Variants in ATRNL1 observed in about 807,000 individuals in gnomAD.
ATRNL1 encodes attractin-like protein 1.
ATRNL1 carries 95 observed loss-of-function variants against 182.7 expected under a neutral mutation model. That is an observed-to-expected ratio of 0.52 (90% CI 0.44 to 0.62). The LOEUF (loss-of-function observed/expected upper bound fraction) is 0.62. ATRNL1 is among the 20% of genes least tolerant of loss of function. The pLI is 0.00. For synonymous variants in ATRNL1, 576 were observed against 568.3 expected (o/e 1.01, Z -0.19); for missense variants, 1,471 against 1,679.5 (o/e 0.88, Z 2.17).
chr10:115,311,737 A>G (rs545709657), intron 17 of ATRNL1, among the ~76,000 whole-genome samples: 33 of 152,094 alleles, frequency 2.2e-4, no homozygotes, highest in Non-Finnish European at 2.9e-4. Flanking sequence ...GCTGCTGTCT[A>G]TCTCTTTCTT....
intron 27 of ATRNL1, among the ~76,000 whole-genome samples, chr10:115,733,003 A>G (rs1294030078): frequency 6.6e-6 from 1 of 152,208 alleles, no homozygotes; most frequent in Non-Finnish European, 1.5e-5. Flanking sequence ...GTGACTTACT[A>G]AACTGCAATA....
chr10:115,468,149 A>G (rs568248759), intron 23 of ATRNL1, among the ~76,000 whole-genome samples: 1 of 150,908 alleles, frequency 6.6e-6, no homozygotes, highest in African/African-American at 2.4e-5. Flanking sequence ...AGTGCCAAAC[A>G]TACAGTAAAA....
At chr10:115,165,683 T>C (rs1467148398) in intron 7 of ATRNL1, 38 bp downstream of exon 7, 1 of 1,231,350 alleles carries the variant, frequency 8.1e-7, no homozygotes, top group South Asian at 1.7e-5. Flanking sequence ...TCAGATTTTG[T>C]TTTTGATAGT....
intron 5 of ATRNL1, among the ~76,000 whole-genome samples, chr10:115,154,836 C>T (rs547912838): frequency 6.6e-6 from 1 of 152,240 alleles, no homozygotes; most frequent in East Asian, 1.9e-4. Context: ...TGCCAAGAAA[C>T]GGTGCCAGGG....
At chr10:115,905,848 A>G (rs1161375058) in intron 28 of ATRNL1, among the ~76,000 whole-genome samples, 3 of 152,188 alleles carry the variant, frequency 2.0e-5, no homozygotes, top group African/African-American at 7.2e-5. Flanking sequence ...GAGGGACTTG[A>G]TAAATAATTG....
intron 18 of ATRNL1, among the ~76,000 whole-genome samples, chr10:115,333,077 A>G (rs1224069258): frequency 6.6e-6 from 1 of 152,236 alleles, no homozygotes; most frequent in Non-Finnish European, 1.5e-5. Context: ...ATCAGAACAG[A>G]TACCAACTAC....
chr10:115,623,257 G>T (rs1857890378), intron 26 of ATRNL1, among the ~76,000 whole-genome samples: 1 of 152,104 alleles, frequency 6.6e-6, no homozygotes, highest in Non-Finnish European at 1.5e-5. Context: ...GCAAGTTTCT[G>T]AATGTTTTAA....
chr10:115,858,952 G>T (rs1951248746), intron 28 of ATRNL1, among the ~76,000 whole-genome samples: 1 of 151,980 alleles, frequency 6.6e-6, no homozygotes, highest in South Asian at 2.1e-4. Context: ...AGTTCTGGAG[G>T]CTGGGAAGTC....
At chr10:115,499,270 G>T (rs969811361) in intron 24 of ATRNL1, among the ~76,000 whole-genome samples, 1 of 152,076 alleles carries the variant, frequency 6.6e-6, no homozygotes, top group Non-Finnish European at 1.5e-5. Flanking sequence ...TGAAGAGATT[G>T]GGCTCAATTT....
chr10:115,750,759 A>G (rs1289425675), intron 27 of ATRNL1, among the ~76,000 whole-genome samples: 1 of 152,090 alleles, frequency 6.6e-6, no homozygotes, highest in Non-Finnish European at 1.5e-5. Context: ...AAGCACTTTT[A>G]AAATTAAAAG....
chr10:115,913,745 G>A (rs1404211941), intron 28 of ATRNL1, among the ~76,000 whole-genome samples: 3 of 152,176 alleles, frequency 2.0e-5, no homozygotes, highest in Non-Finnish European at 4.4e-5. Flanking sequence ...TGTGCAGAAA[G>A]CATAGATGGA....
chr10:115,323,733 C>T (rs538340791), intron 18 of ATRNL1, among the ~76,000 whole-genome samples: 6 of 151,600 alleles, frequency 4.0e-5, no homozygotes, highest in South Asian at 4.2e-4. Context: ...CATGAGCCAC[C>T]GTGCCTGGCC....
intron 26 of ATRNL1, among the ~76,000 whole-genome samples, chr10:115,683,885 G>T (rs1946133920): frequency 6.6e-6 from 1 of 151,662 alleles, no homozygotes; most frequent in Non-Finnish European, 1.5e-5. Flanking sequence ...CATTAATAAA[G>T]CATATAAGCA....
chr10:115,187,307 CA>C (rs1468705297), intron 8 of ATRNL1, among the ~76,000 whole-genome samples: 2 of 151,734 alleles, frequency 1.3e-5, no homozygotes, highest in East Asian at 3.9e-4. Flanking sequence ...CAATATCAGA[CA>C]AACTTCAAAT....
At chr10:115,444,698 C>T (rs963207913) in intron 21 of ATRNL1, among the ~76,000 whole-genome samples, 8 of 150,916 alleles carry the variant, frequency 5.3e-5, no homozygotes, top group Non-Finnish European at 1.0e-4. Flanking sequence ...CACCTGTTTA[C>T]CTGAAATTAT....
intron 28 of ATRNL1, among the ~76,000 whole-genome samples, chr10:115,864,991 A>G (rs1429252388): frequency 1.3e-5 from 2 of 152,006 alleles, no homozygotes; most frequent in Middle Eastern, 3.4e-3. Context: ...AAAAAAAAAA[A>G]AAAAAGAAAA....
intron 26 of ATRNL1, among the ~76,000 whole-genome samples, chr10:115,596,453 A>G (rs571224660): frequency 1.3e-5 from 2 of 152,370 alleles, no homozygotes; most frequent in East Asian, 3.9e-4. Flanking sequence ...TCATTTAAAT[A>G]AATATATGAC....
chr10:115,528,988 A>G (rs1475392033), intron 25 of ATRNL1, among the ~76,000 whole-genome samples: 1 of 151,992 alleles, frequency 6.6e-6, no homozygotes, highest in Non-Finnish European at 1.5e-5. Flanking sequence ...TACTTTGCAC[A>G]TTTATCTTTT....
intron 28 of ATRNL1, among the ~76,000 whole-genome samples, chr10:115,867,019 A>C (rs1260418192): frequency 6.6e-6 from 1 of 152,208 alleles, no homozygotes; most frequent in Non-Finnish European, 1.5e-5. Flanking sequence ...ATAAAATGCT[A>C]ATGAGAAAGT....
Sources: allele counts gnomAD v4.1 joint callset (sites outside exome capture counted in the v4.1 genomes callset), GRCh38; gene constraint gnomAD v4.1.1; transcripts MANE v1.5; gene names NCBI Gene and HGNC (gene_info 2026-07-23, HGNC 2026-07-21).